Variants in PPARGC1A observed in about 807,000 individuals in gnomAD.
PPARGC1A encodes the protein peroxisome proliferator-activated receptor gamma coactivator 1-alpha.
Under a neutral mutation model 88.7 loss-of-function variants are expected in PPARGC1A, and 25 were observed. The ratio of observed to expected loss-of-function variants is 0.28; its 90% CI spans 0.21 to 0.39. The LOEUF is 0.39. PPARGC1A is among the 10% of genes least tolerant of loss of function. The pLI is 1.00. For synonymous variants in PPARGC1A, 363 were observed against 355.6 expected, an observed-to-expected ratio of 1.02 and a Z score of -0.24; for missense variants, 880 against 968.7, an observed-to-expected ratio of 0.91 and a Z score of 1.22.
chr4:23,842,249 T>C (rs1038744184), intron 2 of PPARGC1A, among the ~76,000 whole-genome samples: 2 of 152,118 alleles, frequency 1.3e-5, no homozygotes, highest in African/African-American at 4.8e-5. Flanking sequence ...ATTCTCACTA[T>C]TTATTGCTGG....
intron 3 of PPARGC1A, among the ~76,000 whole-genome samples, chr4:23,830,724 TTA>T (rs1383092898): frequency 6.6e-6 from 1 of 152,198 alleles, no homozygotes; most frequent in Non-Finnish European, 1.5e-5. Flanking sequence ...CAGCATGTCC[TTA>T]TGTCTGATTT....
the PPARGC1A span, among the ~76,000 whole-genome samples, chr4:24,194,819 G>A: frequency 2.0e-5 from 3 of 152,176 alleles, no homozygotes; most frequent in Non-Finnish European, 2.9e-5. Flanking sequence ...TATTTCCACT[G>A]AGAAGAGACT....
the PPARGC1A span, among the ~76,000 whole-genome samples, chr4:23,958,088 C>T: frequency 6.6e-6 from 1 of 152,042 alleles, no homozygotes; most frequent in African/African-American, 2.4e-5. Flanking sequence ...GTTTAAGAAA[C>T]AGTATTTTTT....
chr4:24,150,957 G>A, the PPARGC1A span, among the ~76,000 whole-genome samples: 5 of 152,060 alleles, frequency 3.3e-5, no homozygotes, highest in Non-Finnish European at 5.9e-5. Context: ...TCCCAAATAT[G>A]CCTATGCTGT....
chr4:23,821,860 C>A (rs186084422), intron 7 of PPARGC1A, among the ~76,000 whole-genome samples: 1 of 151,932 alleles, frequency 6.6e-6, no homozygotes, highest in South Asian at 2.1e-4. Flanking sequence ...GCCCAACATC[C>A]AAGCCAAGGT....
At chr4:24,411,607 A>T in the PPARGC1A span, among the ~76,000 whole-genome samples, 6 of 152,314 alleles carry the variant, frequency 3.9e-5, no homozygotes, top group African/African-American at 1.4e-4. Context: ...TAGGACATGC[A>T]ACCACCACTG....
At chr4:24,079,139 C>T in the PPARGC1A span, among the ~76,000 whole-genome samples, 1 of 151,914 alleles carries the variant, frequency 6.6e-6, no homozygotes. Flanking sequence ...TAATAATTTC[C>T]TTAAGAACTA....
the PPARGC1A span, among the ~76,000 whole-genome samples, chr4:24,241,279 GA>G: frequency 6.6e-6 from 1 of 151,924 alleles, no homozygotes; most frequent in Non-Finnish European, 1.5e-5. Flanking sequence ...TTTTGTAAAA[GA>G]AAAAAAGGCT....
At chr4:24,223,065 G>C in the PPARGC1A span, among the ~76,000 whole-genome samples, 1 of 151,912 alleles carries the variant, frequency 6.6e-6, no homozygotes, top group Non-Finnish European at 1.5e-5. Context: ...GACCCTTTTG[G>C]AAAACATCAT....
intron 10 of PPARGC1A, 50 bp downstream of exon 10, chr4:23,812,696 GA>G (rs749127826): frequency 6.2e-7 from 1 of 1,604,132 alleles, no homozygotes; most frequent in Non-Finnish European, 8.5e-7. Context: ...AAAGCACACA[GA>G]AAAAGAAGAA....
chr4:23,831,643 C>G lies in PPARGC1A; in HGVS notation c.343G>C (p.Gly115Arg), dbSNP rs769083394. 107 of 1,614,008 alleles carry G rather than the reference C, an allele frequency of 6.6e-5. No homozygotes were observed. The highest frequency in any genetic ancestry group is 8.9e-5 in the Non-Finnish European group (105 of 1,180,006). ...GCCTCATTGTCAGTGGTCACGTCTC[C>G]ATCTGTCAGCGCATCAAATGAGGGC... is the stretch of plus-strand genomic sequence containing the variant. ...GLPSFDALTD[G>R]DVTTDNEASP... Residue 115 changes from glycine to arginine, a missense_variant, in exon 3 of 13, where the codon GGA becomes CGA. Physicochemically the swap from Gly to Arg is moderately radical, Grantham distance 125. Coordinates refer to ENST00000264867, the MANE Select transcript of PPARGC1A (RefSeq NM_013261.5).
intron 1 of PPARGC1A, among the ~76,000 whole-genome samples, chr4:23,896,268 T>C (rs572413167): frequency 6.6e-6 from 1 of 152,230 alleles, no homozygotes; most frequent in South Asian, 2.1e-4. Context: ...TTTTCTCTTA[T>C]AAACATGCAT....
At chr4:23,925,257 G>A in the PPARGC1A span, among the ~76,000 whole-genome samples, 2 of 152,098 alleles carry the variant, frequency 1.3e-5, no homozygotes, top group African/African-American at 4.8e-5. Context: ...TCAATCTAGG[G>A]TTCCCTGCTC....
the PPARGC1A span, among the ~76,000 whole-genome samples, chr4:24,434,379 A>AT: frequency 9.5e-4 from 144 of 152,298 alleles, no homozygotes; most frequent in Middle Eastern, 0.014. Context: ...TGTCACAGCT[A>AT]TATCAGGGTG....
chr4:24,466,392 C>T, the PPARGC1A span, among the ~76,000 whole-genome samples: 1 of 152,150 alleles, frequency 6.6e-6, no homozygotes, highest in Non-Finnish European at 1.5e-5. Context: ...AAAGTGAGTA[C>T]AGTGGGGATA....
At chr4:24,463,526 C>T in the PPARGC1A span, among the ~76,000 whole-genome samples, 4 of 152,186 alleles carry the variant, frequency 2.6e-5, no homozygotes, top group Non-Finnish European at 5.9e-5. Context: ...CCGTCATCAT[C>T]CTAAGAGATG....
the PPARGC1A span, among the ~76,000 whole-genome samples, chr4:23,910,244 T>C: frequency 9.5e-6 from 1 of 105,284 alleles, no homozygotes; most frequent in East Asian, 2.6e-4. Flanking sequence ...ATAATATATA[T>C]AAATATATAT....
chr4:24,073,642 T>A, the PPARGC1A span, among the ~76,000 whole-genome samples: 1 of 152,200 alleles, frequency 6.6e-6, no homozygotes, highest in East Asian at 1.9e-4. Flanking sequence ...GTGATTTTTC[T>A]ACTTAACCCT....
At chr4:23,829,439 G>C in intron 4 of PPARGC1A, 24 bp downstream of exon 4, 2 of 1,609,378 alleles carry the variant, frequency 1.2e-6, no homozygotes, top group Non-Finnish European at 8.5e-7. Context: ...CATCCCCCCT[G>C]TATTAAAAAA....
Sources: allele counts gnomAD v4.1 joint callset (sites outside exome capture counted in the v4.1 genomes callset), GRCh38; gene constraint gnomAD v4.1.1; transcripts MANE v1.5; gene names NCBI Gene and HGNC (gene_info 2026-07-23, HGNC 2026-07-21).